Variants in OXSR1 observed in about 807,000 individuals in gnomAD.
The protein encoded by OXSR1 is serine/threonine-protein kinase OSR1.
A neutral mutation model predicts 79.8 loss-of-function variants in OXSR1; 24 were observed. The ratio of observed to expected loss-of-function variants is 0.30; its 90% CI spans 0.22 to 0.42. OXSR1 has a LOEUF of 0.42. OXSR1 is among the 10% of genes least tolerant of loss of function. The pLI, the probability that OXSR1 is intolerant of heterozygous loss-of-function variation, is 1.00. For synonymous variants in OXSR1, 226 were observed against 209.2 expected (o/e 1.08, Z -0.69); for missense variants, 430 against 618.4 (o/e 0.70, Z 3.23).
chr3:38,170,855 T>TC (rs1236457417), intron 1 of OXSR1, among the ~76,000 whole-genome samples: 1 of 152,214 alleles, frequency 6.6e-6, no homozygotes, highest in Non-Finnish European at 1.5e-5. Flanking sequence ...GCTCACTGTC[T>TC]CACTGTATGA....
intron 5 of OXSR1, among the ~76,000 whole-genome samples, chr3:38,219,449 G>A (rs1702545775): frequency 6.6e-6 from 1 of 152,166 alleles, no homozygotes; most frequent in Admixed American, 6.5e-5. Flanking sequence ...TCTCTGGTTA[G>A]TGATAAGAAT....
intron 1 of OXSR1, among the ~76,000 whole-genome samples, chr3:38,175,361 A>G (rs1415430233): frequency 6.6e-6 from 1 of 152,146 alleles, no homozygotes; most frequent in Non-Finnish European, 1.5e-5. Flanking sequence ...GCTGGAGTGC[A>G]GCAGTATGAT....
chr3:38,198,961 G>A (rs1702114698), intron 4 of OXSR1, 98 bp downstream of exon 4: 7 of 994,098 alleles, frequency 7.0e-6, no homozygotes, highest in Non-Finnish European at 9.1e-6. Flanking sequence ...ATAGCTCTTT[G>A]TATCACTAGT....
chr3:38,253,253 C>T lies in OXSR1; in HGVS notation c.*362C>T, dbSNP rs1703296798. ...AAAAGTAGCAGCTGTATCGGGCTTC[C>T]TCATCCTGCCTGTTCCCCCACACCT... is the stretch of plus-strand genomic sequence containing the variant. On this transcript the variant is annotated 3_prime_UTR_variant, in exon 18 of 18. Transcript: ENST00000311806. 2 of 222,586 alleles carry T rather than the reference C, an allele frequency of 9.0e-6. No individual in the cohort carries two copies. Among genetic ancestry groups the T allele is most frequent in the Admixed American group, 5.3e-5 (1 of 19,040 alleles). 13.8% of individuals were successfully genotyped at this position (222,586 alleles called of 1,614,324 possible).
intron 12 of OXSR1, 114 bp downstream of exon 12, chr3:38,242,892 T>A: frequency 1.9e-6 from 1 of 521,472 alleles, no homozygotes; most frequent in Non-Finnish European, 3.4e-6. Flanking sequence ...TGCAACTTTA[T>A]ACCAATCGAA....
chr3:38,196,860 A>G (rs1553634613), intron 3 of OXSR1, among the ~76,000 whole-genome samples: 1 of 152,224 alleles, frequency 6.6e-6, no homozygotes, highest in Non-Finnish European at 1.5e-5. Context: ...TTAATTGTTA[A>G]GTGAATAAGT....
chr3:38,185,633 A>C (rs1701871236), intron 2 of OXSR1, among the ~76,000 whole-genome samples: 1 of 150,810 alleles, frequency 6.6e-6, no homozygotes. Context: ...GCAAGATTTA[A>C]AATAAAATCC....
intron 4 of OXSR1, among the ~76,000 whole-genome samples, chr3:38,206,033 A>G (rs1304325941): frequency 6.6e-6 from 1 of 152,196 alleles, no homozygotes; most frequent in African/African-American, 2.4e-5. Context: ...AAATAAATAC[A>G]TTTTTGTTCT....
intron 1 of OXSR1, among the ~76,000 whole-genome samples, chr3:38,179,318 C>A (rs1701737537): frequency 6.6e-6 from 1 of 152,086 alleles, no homozygotes; most frequent in Middle Eastern, 3.4e-3. Context: ...ACATGAGCTC[C>A]CGCCCTGGCC....
intron 4 of OXSR1, among the ~76,000 whole-genome samples, chr3:38,200,038 C>G (rs1161776250): frequency 6.6e-6 from 1 of 152,166 alleles, no homozygotes; most frequent in African/African-American, 2.4e-5. Context: ...TAAGAGATGC[C>G]AGCTGTGCTG....
At chr3:38,240,539 C>T (rs1275019391) in intron 11 of OXSR1, among the ~76,000 whole-genome samples, 1 of 152,026 alleles carries the variant, frequency 6.6e-6, no homozygotes, top group Non-Finnish European at 1.5e-5. Flanking sequence ...AAAGAAACCC[C>T]AATAATGACA....
intron 2 of OXSR1, among the ~76,000 whole-genome samples, chr3:38,185,908 G>T (rs1701875756): frequency 7.9e-6 from 1 of 126,154 alleles, no homozygotes; most frequent in African/African-American, 3.1e-5. Flanking sequence ...TCATGCCACT[G>T]CATGCCAGCC....
At chr3:38,191,995 A>G (rs1347331617) in intron 3 of OXSR1, among the ~76,000 whole-genome samples, 1 of 152,206 alleles carries the variant, frequency 6.6e-6, no homozygotes, top group East Asian at 1.9e-4. Context: ...AAGATAAATA[A>G]TGGAGTCTTT....
At chr3:38,180,757 C>A (rs1701769689) in intron 1 of OXSR1, among the ~76,000 whole-genome samples, 1 of 151,874 alleles carries the variant, frequency 6.6e-6, no homozygotes, top group African/African-American at 2.4e-5. Flanking sequence ...TGGTCTTGAA[C>A]TTCTGGACTC....
intron 3 of OXSR1, among the ~76,000 whole-genome samples, chr3:38,193,970 A>G (rs917018398): frequency 6.6e-6 from 1 of 152,208 alleles, no homozygotes; most frequent in Non-Finnish European, 1.5e-5. Flanking sequence ...TTAAACTGAG[A>G]TGAAACGTTA....
chr3:38,167,774 AT>A (rs1307332419), intron 1 of OXSR1, among the ~76,000 whole-genome samples: 1 of 152,152 alleles, frequency 6.6e-6, no homozygotes, highest in East Asian at 1.9e-4. Context: ...GTCTGGACTG[AT>A]TGCTTCTGGT....
intron 4 of OXSR1, among the ~76,000 whole-genome samples, chr3:38,208,805 G>A (rs1256452560): frequency 6.6e-6 from 1 of 152,184 alleles, no homozygotes; most frequent in Non-Finnish European, 1.5e-5. Flanking sequence ...GGGAGGCTAA[G>A]GCAGGAGAAT....
At chr3:38,243,946 C>T (rs1322077196) in intron 12 of OXSR1, among the ~76,000 whole-genome samples, 1 of 152,184 alleles carries the variant, frequency 6.6e-6, no homozygotes, top group Non-Finnish European at 1.5e-5. Context: ...CATGATTCCC[C>T]TTGTCTCCTT....
intron 4 of OXSR1, among the ~76,000 whole-genome samples, chr3:38,204,664 A>G (rs916399783): frequency 2.6e-5 from 4 of 151,740 alleles, no homozygotes; most frequent in African/African-American, 7.3e-5. Flanking sequence ...ACCCTGTTCC[A>G]CTGTGGCTGA....
Sources: allele counts gnomAD v4.1 joint callset (sites outside exome capture counted in the v4.1 genomes callset), GRCh38; gene constraint gnomAD v4.1.1; transcripts MANE v1.5; gene names NCBI Gene and HGNC (gene_info 2026-07-23, HGNC 2026-07-21).